The following ABCC11 variants were observed in gnomAD, a reference collection of about 807,000 sequenced individuals.
ABCC11 encodes ATP-binding cassette sub-family C member 11.
In ABCC11, 135 loss-of-function variants were observed where a neutral mutation model predicts 149.3. The observed-to-expected ratio is 0.90, with a 90% confidence interval of 0.79 to 1.04. The LOEUF is 1.04. ABCC11 is among the 50% of genes least tolerant of loss of function. The pLI is 0.00. For synonymous variants in ABCC11, 665 were observed against 671.4 expected (o/e 0.99, Z 0.15); for missense variants, 1,680 against 1,722.1 (o/e 0.98, Z 0.43).
chr16:48,200,526 C>G, intron 14 of ABCC11, 47 bp from the exon 15 acceptor site: 1 of 1,588,714 alleles, frequency 6.3e-7, no homozygotes, highest in Non-Finnish European at 8.6e-7. Context: ...GCAAGCACAG[C>G]CAGGTGTGCT....
chr16:48,177,154 C>A (rs200083765), intron 24 of ABCC11, 41 bp from the exon 25 acceptor site: 1 of 1,577,136 alleles, frequency 6.3e-7, no homozygotes, highest in African/African-American at 1.3e-5. Flanking sequence ...TAGTTATCAT[C>A]TATCTCGGCC....
chr16:48,186,887 A>G (rs968927646), intron 22 of ABCC11, 66 bp downstream of exon 22: 1 of 1,587,182 alleles, frequency 6.3e-7, no homozygotes, highest in Non-Finnish European at 8.6e-7. Flanking sequence ...CAGACGCTCC[A>G]TTCTTTCCCT....
intron 13 of ABCC11, 26 bp from the exon 14 acceptor site, chr16:48,203,326 C>T: frequency 6.5e-7 from 1 of 1,548,882 alleles, no homozygotes; most frequent in Non-Finnish European, 8.8e-7. Flanking sequence ...AGCCATAAGG[C>T]ACAGGGGACC....
chr16:48,178,500 G>T, intron 24 of ABCC11, 97 bp downstream of exon 24: 2 of 1,162,086 alleles, frequency 1.7e-6, no homozygotes, highest in Non-Finnish European at 2.5e-6. Context: ...TCCTGGGATG[G>T]TCTCAGGGCT....
chr16:48,192,774 G>A lies in ABCC11; in HGVS notation c.2509-57C>T, dbSNP rs114212097. 4,352 of 1,568,298 alleles carry A rather than the reference G, an allele frequency of 2.8e-3. 107 individuals are homozygous for A. The African/African-American group carries it at 0.051, about 18-fold the overall frequency. ...GTGTCCGGGGGAAATTCAGTGGCAGGGAAAGCCTTCTCCCTGGGGCCACGT... is the reference window on the plus strand; with the variant it reads ...GTGTCCGGGGGAAATTCAGTGGCAGAGAAAGCCTTCTCCCTGGGGCCACGT... On this transcript the variant is annotated intron_variant, in intron 19 of 29. Transcript: ENST00000356608.
In ABCC11 at chr16:48,175,419, T is replaced by G. The variant is rs1413724666; in HGVS notation, c.3539-2A>C. ...GAGCCATGCCCAAGGAGGACTTCCC[T>G]GTGGGGCAAGAAACAAGCGGGGCCT... On this transcript the variant is annotated splice_acceptor_variant, in intron 25 of 29. Coordinates refer to ENST00000356608, the MANE Select transcript of ABCC11 (RefSeq NM_001370497.1). LOFTEE classifies it high-confidence loss of function. 3 of 1,602,966 alleles carry G rather than the reference T, an allele frequency of 1.9e-6. No individual in the cohort carries two copies. Among genetic ancestry groups the G allele is most frequent in the Non-Finnish European group, 2.6e-6 (3 of 1,171,060 alleles).
chr16:48,182,814 G>A (rs1013586499), intron 23 of ABCC11, among the ~76,000 whole-genome samples: 5 of 151,460 alleles, frequency 3.3e-5, no homozygotes, highest in East Asian at 1.9e-4. Flanking sequence ...CATGTGGTTC[G>A]GGATATCCAG....
At chr16:48,233,736 T>A (rs945784095) in intron 1 of ABCC11, among the ~76,000 whole-genome samples, 1 of 152,238 alleles carries the variant, frequency 6.6e-6, no homozygotes, top group South Asian at 2.1e-4. Flanking sequence ...AAGTCTCATA[T>A]CCTTGCAAAG....
Position 48,241,344 on chromosome 16 carries a change from G to C in ABCC11, c.-19+5970C>G, listed in dbSNP as rs200272299. Among the ~76,000 whole-genome samples, 5 of 152,106 alleles carry C rather than the reference G, an allele frequency of 3.3e-5. No individual in the cohort carries two copies. The East Asian group carries it at 9.6e-4, about 29-fold the overall frequency. Reference sequence around the variant, plus strand: ...ATGAACTTCTACAAAATAACTGACTGATATCCTTCAAAAGTATCAAGGTTT... The same window carrying C: ...ATGAACTTCTACAAAATAACTGACTCATATCCTTCAAAAGTATCAAGGTTT... On this transcript the variant is annotated intron_variant, in intron 1 of 29. Transcript: ENST00000356608.
Position 48,244,750 on chromosome 16 carries a change from C to T in ABCC11, c.-19+2564G>A, listed in dbSNP as rs543479205. ...GCCTTCGCGGCTCGGTTCCGCCTCT[C>T]TGGTGCTATCACTTGCAAAATGGGG... is the stretch of plus-strand genomic sequence containing the variant. On this transcript the variant is annotated intron_variant, in intron 1 of 29. Coordinates refer to ENST00000356608, the MANE Select transcript of ABCC11 (RefSeq NM_001370497.1). 638 of 566,898 alleles carry T rather than the reference C, an allele frequency of 1.1e-3. 1 individual carries two copies. Among genetic ancestry groups the T allele is most frequent in the Middle Eastern group, 2.5e-3 (5 of 2,010 alleles). 35.1% of individuals were successfully genotyped at this position (566,898 alleles called of 1,614,324 possible).
intron 2 of ABCC11, 118 bp downstream of exon 2, chr16:48,231,705 G>T: frequency 3.5e-5 from 44 of 1,255,962 alleles, no homozygotes; most frequent in Non-Finnish European, 4.0e-5. Flanking sequence ...AAAGAGAAAA[G>T]AAAAAAAATT....
chr16:48,169,865 T>C (rs1449150764), intron 28 of ABCC11, among the ~76,000 whole-genome samples: 1 of 152,004 alleles, frequency 6.6e-6, no homozygotes, highest in Non-Finnish European at 1.5e-5. Context: ...TGTATACATA[T>C]GTAACAAACC....
At chr16:48,188,455 T>C (rs1346723780) in intron 20 of ABCC11, among the ~76,000 whole-genome samples, 1 of 152,186 alleles carries the variant, frequency 6.6e-6, no homozygotes, top group Non-Finnish European at 1.5e-5. Flanking sequence ...TCCTACTGGG[T>C]TGCACACGAT....
chr16:48,175,615 A>C (rs538402690), intron 25 of ABCC11, among the ~76,000 whole-genome samples, 198 bp from the exon 26 acceptor site: 39 of 152,328 alleles, frequency 2.6e-4, no homozygotes, highest in Admixed American at 7.2e-4. Context: ...GTTACAGCCT[A>C]GATCAGAGGG....
Position 48,222,713 on chromosome 16 carries a change from G to A in ABCC11, c.662C>T (p.Ser221Phe). Residue 221 changes from serine (S) to phenylalanine (F), a missense_variant, in exon 6 of 30, where the codon TCC (serine) becomes TTC (phenylalanine). Coordinates refer to ENST00000356608, the MANE Select transcript of ABCC11 (RefSeq NM_001370497.1). The part of the protein sequence containing the change: ...LSECVKSLSF[S>F]SSWIINQRTA... ...GCGTTGGTTGATGATCCAACTGGAGGAGAAACTCAGAGACTTCACACATTC... is the reference window on the plus strand; with the variant it reads ...GCGTTGGTTGATGATCCAACTGGAGAAGAAACTCAGAGACTTCACACATTC... The A allele has an allele frequency of 6.2e-7, 1 of 1,614,212 alleles. No individual in the cohort carries two copies. The highest frequency in any genetic ancestry group is 8.5e-7 in the Non-Finnish European group (1 of 1,180,038).
intron 1 of ABCC11, among the ~76,000 whole-genome samples, chr16:48,238,710 G>C (rs1332206807): frequency 3.3e-5 from 5 of 152,168 alleles, no homozygotes; most frequent in African/African-American, 9.6e-5. Flanking sequence ...GGCCAAGGCA[G>C]GTGGATCACA....
intron 20 of ABCC11, among the ~76,000 whole-genome samples, chr16:48,188,348 A>C (rs1400414893): frequency 1.3e-5 from 2 of 152,164 alleles, no homozygotes; most frequent in Non-Finnish European, 2.9e-5. Flanking sequence ...CCTGCCCTCC[A>C]TCACCCCCAG....
intron 28 of ABCC11, 54 bp downstream of exon 28, chr16:48,170,051 C>T: frequency 6.7e-7 from 1 of 1,493,032 alleles, no homozygotes; most frequent in Non-Finnish European, 9.2e-7. Flanking sequence ...TGTGGCTTCC[C>T]TCATCATGCG....
In ABCC11 at chr16:48,216,259, T is replaced by C; in HGVS notation, c.806A>G (p.Asn269Ser). 1 of 1,613,544 alleles carries C rather than the reference T, an allele frequency of 6.2e-7. No individual in the cohort carries two copies. Among genetic ancestry groups the C allele is most frequent in the Non-Finnish European group, 8.5e-7 (1 of 1,179,896 alleles). ...EAISFFTGDV[N>S]YLFEGVCYGP... ...ATAGCACACCCCTTCAAACAGGTAG[T>C]TTACATCACCGGTGAAGAAGCTGAT... Residue 269 changes from asparagine to serine, a missense_variant, in exon 7 of 30, where the codon AAC becomes AGC. Physicochemically the swap from Asn to Ser is conservative, Grantham distance 46. Coordinates refer to ENST00000356608, the MANE Select transcript of ABCC11 (RefSeq NM_001370497.1).
Sources: allele counts gnomAD v4.1 joint callset (sites outside exome capture counted in the v4.1 genomes callset), GRCh38; gene constraint gnomAD v4.1.1; transcripts MANE v1.5; gene names NCBI Gene and HGNC (gene_info 2026-07-23, HGNC 2026-07-21).